Variants in NMNAT3 observed in about 807,000 individuals in gnomAD.
NMNAT3 encodes the protein nicotinamide/nicotinic acid mononucleotide adenylyltransferase 3.
In NMNAT3, 21 loss-of-function variants were observed where a neutral mutation model predicts 24.8. The observed-to-expected ratio is 0.85, with a 90% CI of 0.60 to 1.22. The LOEUF (loss-of-function observed/expected upper bound fraction) is 1.22. Ranked by LOEUF, NMNAT3 falls within the 50% of genes most tolerant of loss-of-function variation. The probability of loss-of-function intolerance (pLI) is 0.00; values close to 1 mark genes in which losing one functional copy is unlikely to be tolerated. For missense variants in NMNAT3, 387 were observed against 436.6 expected, an observed-to-expected ratio of 0.89 and a Z score of 1.01; for synonymous variants, 136 against 155.2, an observed-to-expected ratio of 0.88 and a Z score of 0.92.
chr3:139,662,454 T>C (rs972512946), intron 1 of NMNAT3, among the ~76,000 whole-genome samples: 1 of 152,126 alleles, frequency 6.6e-6, no homozygotes, highest in African/African-American at 2.4e-5. Flanking sequence ...AGTAAGCTCA[T>C]AAAAGTGCAG....
intron 3 of NMNAT3, among the ~76,000 whole-genome samples, chr3:139,587,570 T>A (rs2053989841): frequency 6.6e-6 from 1 of 152,080 alleles, no homozygotes; most frequent in Non-Finnish European, 1.5e-5. Context: ...CAGGAAAAAA[T>A]GCACTTGATT....
chr3:139,662,944 T>C (rs1312154437), intron 1 of NMNAT3, among the ~76,000 whole-genome samples: 8 of 152,376 alleles, frequency 5.3e-5, no homozygotes, highest in African/African-American at 1.9e-4. Flanking sequence ...TGCCAGGCTT[T>C]TGAGGGAGGT....
At chr3:139,675,485 G>A (rs945715060) in intron 1 of NMNAT3, among the ~76,000 whole-genome samples, 1 of 152,172 alleles carries the variant, frequency 6.6e-6, no homozygotes, top group Admixed American at 6.5e-5. Context: ...TCTTTGGCCT[G>A]AGTCTACAAA....
Position 139,638,035 on chromosome 3 carries a change from A to C in NMNAT3, c.-113T>G, listed in dbSNP as rs975971113. ...GAGCCAGGGAGCAGCAGTCCGCTTCATGGCAGGATCTAGGCTGAAGCAGGT... is the reference window on the plus strand; with the variant it reads ...GAGCCAGGGAGCAGCAGTCCGCTTCCTGGCAGGATCTAGGCTGAAGCAGGT... On this transcript the variant is annotated 5_prime_UTR_variant, in exon 2 of 7. It removes an upstream start codon present in the reference 5' UTR. Coordinates refer to ENST00000643695, the MANE Select transcript of NMNAT3 (RefSeq NM_001320510.2). 3.3e-5 allele frequency: 5 copies of C among 152,202 alleles called. No homozygotes were observed. Among genetic ancestry groups the C allele is most frequent in the Non-Finnish European group, 5.9e-5 (4 of 68,050 alleles). The allele number at this position is 152,202 out of a possible 1,614,324, so 9.4% of individuals were successfully genotyped here.
At chr3:139,566,913 G>A (rs1937323276) in intron 6 of NMNAT3, 1 of 152,202 alleles carries the variant, frequency 6.6e-6, no homozygotes, top group East Asian at 1.9e-4. Flanking sequence ...GTCATTGGTA[G>A]GTTGATGGAG....
chr3:139,613,635 G>GT (rs538220503), intron 3 of NMNAT3, among the ~76,000 whole-genome samples: 4 of 152,064 alleles, frequency 2.6e-5, no homozygotes, highest in Non-Finnish European at 5.9e-5. Flanking sequence ...CCATTACTGG[G>GT]TATATACCCA....
intron 4 of NMNAT3, among the ~76,000 whole-genome samples, chr3:139,582,639 C>CAAAA (rs58495559): frequency 1.2e-3 from 71 of 57,472 alleles, no homozygotes; most frequent in African/African-American, 4.3e-3. Context: ...GGGACTGTCT[C>CAAAA]AAAAAAAAAA....
chr3:139,614,622 G>A (rs1025537229), intron 3 of NMNAT3, among the ~76,000 whole-genome samples: 1 of 152,222 alleles, frequency 6.6e-6, no homozygotes, highest in Non-Finnish European at 1.5e-5. Flanking sequence ...GAGGTACAGG[G>A]TACGCCCTTC....
intron 3 of NMNAT3, among the ~76,000 whole-genome samples, chr3:139,623,469 C>G (rs558235702): frequency 6.6e-6 from 1 of 152,054 alleles, no homozygotes; most frequent in Non-Finnish European, 1.5e-5. Context: ...GAAATAGACT[C>G]TAAAATAAGG....
At chr3:139,588,092 A>G (rs1483678515) in intron 3 of NMNAT3, among the ~76,000 whole-genome samples, 2 of 152,180 alleles carry the variant, frequency 1.3e-5, no homozygotes, top group African/African-American at 2.4e-5. Context: ...CCAAATGGTC[A>G]TAAGTCCAAG....
intron 3 of NMNAT3, among the ~76,000 whole-genome samples, chr3:139,621,511 A>G (rs755307166): frequency 2.0e-5 from 3 of 152,144 alleles, no homozygotes; most frequent in Non-Finnish European, 4.4e-5. Context: ...AGCTGTGATT[A>G]CAGGTGTGTA....
rs1172543616 is a variant in NMNAT3, at chr3:139,637,985, A to C, written c.-63T>G. On this transcript the variant is annotated 5_prime_UTR_variant, in exon 2 of 7. Transcript: ENST00000643695. ...TACCTTATTAATTGGGAGACAAGGC[A>C]AGAGTGAAAAGCAGATCAGAGTGGG... 2 of 152,184 alleles carry C rather than the reference A, an allele frequency of 1.3e-5. No individual in the cohort carries two copies. The highest frequency in any genetic ancestry group is 4.8e-5 in the African/African-American group (2 of 41,446). The allele number at this position is 152,184 out of a possible 1,614,324, so 9.4% of individuals were successfully genotyped here.
At chr3:139,644,852 A>C (rs2056818547) in intron 1 of NMNAT3, among the ~76,000 whole-genome samples, 1 of 152,190 alleles carries the variant, frequency 6.6e-6, no homozygotes, top group Non-Finnish European at 1.5e-5. Context: ...GTGAAAAGAC[A>C]CAGAAGGCTT....
At chr3:139,593,444 C>A (rs1275115149) in intron 3 of NMNAT3, among the ~76,000 whole-genome samples, 3 of 152,160 alleles carry the variant, frequency 2.0e-5, no homozygotes. Flanking sequence ...TTGAACTCAG[C>A]TCTGCACCAA....
At chr3:139,599,844 G>A (rs901237541) in intron 3 of NMNAT3, among the ~76,000 whole-genome samples, 1 of 152,176 alleles carries the variant, frequency 6.6e-6, no homozygotes. Flanking sequence ...GGCCAGAAGT[G>A]CCCATCAATT....
At chr3:139,606,703 A>G (rs2054961646) in intron 3 of NMNAT3, among the ~76,000 whole-genome samples, 1 of 152,190 alleles carries the variant, frequency 6.6e-6, no homozygotes, top group African/African-American at 2.4e-5. Context: ...CATTCTTTCT[A>G]CAATATTAAT....
At chr3:139,677,153 G>C (rs565522411) in intron 1 of NMNAT3, among the ~76,000 whole-genome samples, 1 of 152,280 alleles carries the variant, frequency 6.6e-6, no homozygotes, top group Non-Finnish European at 1.5e-5. Context: ...AGCCTTTGTA[G>C]CTGGGGGCCC....
chr3:139,630,322 G>A (rs1007429394), intron 2 of NMNAT3, among the ~76,000 whole-genome samples: 3 of 152,178 alleles, frequency 2.0e-5, no homozygotes, highest in Non-Finnish European at 4.4e-5. Flanking sequence ...TAAGGGAAAG[G>A]GGATTGGAAA....
intron 3 of NMNAT3, among the ~76,000 whole-genome samples, chr3:139,586,987 T>A (rs1448783818): frequency 1.3e-5 from 2 of 152,092 alleles, no homozygotes; most frequent in Non-Finnish European, 2.9e-5. Context: ...TGTATTGGGG[T>A]TTGGGAGGGC....
Sources: gnomAD v4.1 joint callset for allele counts (sites outside exome capture counted in the v4.1 genomes callset) on GRCh38, gnomAD v4.1.1 for gene constraint, MANE v1.5 for transcripts, NCBI Gene and HGNC (gene_info 2026-07-23, HGNC 2026-07-21) for gene names.